KLF17: variants seen among roughly 807,000 people sequenced by gnomAD.
KLF17 encodes KLF transcription factor 17, also known as Krueppel-like factor 17.
Under a neutral mutation model 34.2 loss-of-function variants are expected in KLF17, and 31 were observed. The ratio of observed to expected loss-of-function variants is 0.91; its 90% confidence interval spans 0.68 to 1.22. The LOEUF is 1.22. KLF17 is among the 50% of genes most tolerant of loss of function. KLF17 has a pLI of 0.00. For synonymous variants in KLF17, 179 were observed against 186.7 expected (o/e 0.96, Z 0.34); for missense variants, 478 against 505.2 (o/e 0.95, Z 0.52).
the KLF17 span, among the ~76,000 whole-genome samples, chr1:44,102,010 T>C: frequency 6.6e-6 from 1 of 151,888 alleles, no homozygotes; most frequent in Non-Finnish European, 1.5e-5. Flanking sequence ...GCAGCCTCTA[T>C]TGCCAACCTG....
the KLF17 span, among the ~76,000 whole-genome samples, chr1:44,058,153 T>C: frequency 1.3e-5 from 2 of 152,300 alleles, no homozygotes; most frequent in Middle Eastern, 3.4e-3. Flanking sequence ...AGGCATTACG[T>C]ATCATCTTCA....
Position 44,134,553 on chromosome 1 carries a change from T to C in KLF17, c.*1316T>C, listed in dbSNP as rs757710567. The C allele has an allele frequency of 2.0e-5, 3 of 152,124 alleles. No homozygotes were observed. The highest frequency in any genetic ancestry group is 4.4e-5 in the Non-Finnish European group (3 of 68,016). 9.4% of individuals were successfully genotyped at this position (152,124 alleles called of 1,614,324 possible). On this transcript the variant is annotated 3_prime_UTR_variant, in exon 4 of 4. Transcript: ENST00000372299. ...AAACAATCAAAACAAAAAAGACCTG[T>C]GGACTCTAGTAGATTTTGAATCCTG... is the stretch of plus-strand genomic sequence containing the variant.
At chr1:44,107,449 C>T in the KLF17 span, among the ~76,000 whole-genome samples, 20 of 152,098 alleles carry the variant, frequency 1.3e-4, no homozygotes, top group Admixed American at 6.5e-4. Context: ...CCTGTATCTG[C>T]GGTTTCAGTT....
chr1:44,058,314 G>A, the KLF17 span, among the ~76,000 whole-genome samples: 1 of 152,110 alleles, frequency 6.6e-6, no homozygotes, highest in Non-Finnish European at 1.5e-5. Context: ...TTTTGAGACG[G>A]AGTCTTGCTG....
At chr1:44,082,608 A>C in the KLF17 span, among the ~76,000 whole-genome samples, 1 of 152,248 alleles carries the variant, frequency 6.6e-6, no homozygotes, top group Non-Finnish European at 1.5e-5. Context: ...CTTTATGAAC[A>C]GAAGGGATAG....
chr1:44,127,702 TTC>T lies in KLF17; in HGVS notation c.82-1649_82-1648del, dbSNP rs1469208494. On this transcript the variant is annotated intron_variant, in intron 1 of 3. Transcript: ENST00000372299. ...TCTTTCTTTCTTTCTTTTTCTTTCTTTCTTTCTTTCTTCTCTTTTCTTTCTTT... is the reference window on the plus strand; with the variant it reads ...TCTTTCTTTCTTTCTTTTTCTTTCTTTTTCTTTCTTCTCTTTTCTTTCTTT... Among the ~76,000 whole-genome samples the T allele has an allele frequency of 2.5e-3, 340 of 134,862 alleles. 4 individuals carry two copies. The highest frequency in any genetic ancestry group is 0.01 in the African/African-American group (314 of 30,590). 88.5% of individuals were successfully genotyped at this position (134,862 alleles called of 152,430 possible). A position where few individuals can be genotyped will look rare whatever the true frequency, so the allele number is the denominator to read the frequency against.
the KLF17 span, chr1:44,110,708 A>G: frequency 1.3e-5 from 2 of 152,140 alleles, no homozygotes; most frequent in African/African-American, 4.8e-5. Flanking sequence ...ATAAATAAAT[A>G]AGTAAATAAA....
upstream of KLF17, among the ~76,000 whole-genome samples, chr1:44,118,444 T>A (rs2087903699): frequency 6.6e-6 from 1 of 152,134 alleles, no homozygotes. Context: ...GATCCCGACC[T>A]GAGAGAGTGC....
At chr1:44,128,772 G>A (rs1157203860) in intron 1 of KLF17, among the ~76,000 whole-genome samples, 5 of 152,132 alleles carry the variant, frequency 3.3e-5, no homozygotes, top group Non-Finnish European at 5.9e-5. Flanking sequence ...CAGCACTTTG[G>A]GAGGCCAAGG....
the KLF17 span, among the ~76,000 whole-genome samples, chr1:44,110,996 C>CT: frequency 9.2e-5 from 14 of 151,468 alleles, no homozygotes; most frequent in African/African-American, 2.9e-4. Context: ...TTCTGTTTTC[C>CT]TTTTTTTTGA....
chr1:44,083,333 C>T, the KLF17 span, among the ~76,000 whole-genome samples: 342 of 149,926 alleles, frequency 2.3e-3, 1 homozygote, highest in African/African-American at 8.1e-3. Flanking sequence ...TAAGTTTTTT[C>T]CTTGCAGAAG....
At chr1:44,069,215 A>C in the KLF17 span, among the ~76,000 whole-genome samples, 19,688 of 152,096 alleles carry the variant, frequency 0.13, 1,490 homozygotes, top group African/African-American at 0.21. The surrounding 1 kb of genome is among the most constrained non-coding windows in gnomAD (Gnocchi z 4.7). Flanking sequence ...TCAGCATGGG[A>C]GGAGGGCTTT....
chr1:44,044,234 G>A, the KLF17 span, among the ~76,000 whole-genome samples: 3 of 152,210 alleles, frequency 2.0e-5, no homozygotes, highest in African/African-American at 4.8e-5. Context: ...TGGGTAATGG[G>A]TCACACAAGT....
At chr1:44,080,780 T>A in the KLF17 span, among the ~76,000 whole-genome samples, 1 of 144,292 alleles carries the variant, frequency 6.9e-6, no homozygotes, top group Non-Finnish European at 1.5e-5. Flanking sequence ...GATGGCGTGA[T>A]CTCGGCTCAC....
chr1:44,080,769 C>T, the KLF17 span, among the ~76,000 whole-genome samples: 4 of 127,310 alleles, frequency 3.1e-5, no homozygotes, highest in Non-Finnish European at 4.7e-5. Context: ...GGCTGGAGTG[C>T]GATGGCGTGA....
the KLF17 span, among the ~76,000 whole-genome samples, chr1:44,092,470 A>G: frequency 3.3e-5 from 5 of 152,230 alleles, no homozygotes; most frequent in African/African-American, 1.2e-4. Context: ...ATAAGAAAAT[A>G]GAAAATGAGA....
chr1:44,128,476 C>T (rs1183842447), intron 1 of KLF17, among the ~76,000 whole-genome samples: 2 of 152,182 alleles, frequency 1.3e-5, no homozygotes, highest in African/African-American at 4.8e-5. Flanking sequence ...CAGACAACCC[C>T]CATCCCTTTT....
At chr1:44,098,896 A>AT in the KLF17 span, among the ~76,000 whole-genome samples, 9,811 of 136,124 alleles carry the variant, frequency 0.072, 438 homozygotes, top group East Asian at 0.17. Flanking sequence ...ACTCACTTTA[A>AT]TTTTTTTTTT....
Position 44,133,705 on chromosome 1 carries a change from G to C in KLF17, c.*468G>C, listed in dbSNP as rs1215307199. The C allele has an allele frequency of 6.6e-6, 1 of 152,332 alleles. No homozygotes were observed. Among genetic ancestry groups the C allele is most frequent in the Non-Finnish European group, 1.5e-5 (1 of 68,124 alleles). The allele number at this position is 152,332 out of a possible 1,614,324, so 9.4% of individuals were successfully genotyped here. On this transcript the variant is annotated 3_prime_UTR_variant, in exon 4 of 4. Transcript: ENST00000372299. ...CTGGGGAAGCCCCACAGCCTTGGCT[G>C]TGCCTGCCCCTGCCCTCTCACCCCT...
Sources: allele counts gnomAD v4.1 joint callset (sites outside exome capture counted in the v4.1 genomes callset), GRCh38; gene constraint gnomAD v4.1.1; non-coding constraint Gnocchi (gnomAD v3.1); transcripts MANE v1.5; gene names NCBI Gene and HGNC (gene_info 2026-07-23, HGNC 2026-07-21).